The following CDK19 variants were observed in gnomAD, a reference collection of about 807,000 sequenced individuals.
CDK19 encodes cyclin-dependent kinase 19.
CDK19 carries 20 observed loss-of-function variants against 68.3 expected under a neutral mutation model. That is an observed-to-expected ratio of 0.29 (90% confidence interval 0.21 to 0.43). The LOEUF is 0.43. CDK19 is among the 20% of genes least tolerant of loss of function. The pLI, the probability that CDK19 is intolerant of heterozygous loss-of-function variation, is 1.00. For synonymous variants in CDK19, 221 were observed against 222.8 expected (o/e 0.99, Z 0.07); for missense variants, 339 against 623.5 (o/e 0.54, Z 4.86).
intron 1 of CDK19, among the ~76,000 whole-genome samples, chr6:110,749,245 C>T (rs1778291166): frequency 6.6e-6 from 1 of 152,170 alleles, no homozygotes; most frequent in South Asian, 2.1e-4. Context: ...TAACATGTAG[C>T]AACACCATGA....
At chr6:110,789,285 CT>C (rs553847560) in intron 1 of CDK19, among the ~76,000 whole-genome samples, 290 of 144,994 alleles carry the variant, frequency 2.0e-3, no homozygotes, top group Middle Eastern at 3.5e-3. Flanking sequence ...TAAATTTTAA[CT>C]TTTTTTTTTT....
chr6:110,796,808 G>C (rs977213508), intron 1 of CDK19, among the ~76,000 whole-genome samples: 1 of 150,048 alleles, frequency 6.7e-6, no homozygotes. Context: ...AGAAGTTCGA[G>C]ACCAGCCTGG....
intron 1 of CDK19, among the ~76,000 whole-genome samples, chr6:110,786,467 T>C (rs1468786039): frequency 6.6e-6 from 1 of 152,154 alleles, no homozygotes; most frequent in Admixed American, 6.6e-5. Flanking sequence ...CAGGAATGTA[T>C]TGTTTTGAGC....
At chr6:110,795,481 A>C (rs1406424335) in intron 1 of CDK19, among the ~76,000 whole-genome samples, 3 of 152,220 alleles carry the variant, frequency 2.0e-5, no homozygotes, top group Admixed American at 1.3e-4. Context: ...CTAAAGCAGA[A>C]ACCATTTCAA....
intron 2 of CDK19, among the ~76,000 whole-genome samples, chr6:110,713,478 C>A (rs868249451): frequency 1.9e-4 from 25 of 129,540 alleles, no homozygotes; most frequent in South Asian, 2.3e-4. Context: ...CCTCTTGTCT[C>A]AAAAAAAAAA....
chr6:110,639,244 A>G (rs937623580), intron 4 of CDK19, among the ~76,000 whole-genome samples: 8 of 152,234 alleles, frequency 5.3e-5, no homozygotes, highest in African/African-American at 1.9e-4. Flanking sequence ...AATAAAAACC[A>G]AGGCTAATAC....
At chr6:110,684,795 A>G (rs2114538850) in intron 2 of CDK19, among the ~76,000 whole-genome samples, 1 of 152,316 alleles carries the variant, frequency 6.6e-6, no homozygotes, top group Admixed American at 6.5e-5. Flanking sequence ...TAGTGTGTTT[A>G]CTATACCTGC....
At chr6:110,646,205 C>A in intron 4 of CDK19, 1 of 1,389,034 alleles carries the variant, frequency 7.2e-7, no homozygotes, top group Non-Finnish European at 9.7e-7. Context: ...TCCTCAGCAA[C>A]TCGTCGGGGT....
At position 110,767,301 on chromosome 6, in the gene CDK19, A is replaced by G. The variant is rs573875527; in HGVS notation, c.129-21100T>C. Among the ~76,000 whole-genome samples, 172 of 151,962 alleles carry G rather than the reference A, an allele frequency of 1.1e-3. 1 individual carries two copies. Among genetic ancestry groups the G allele is most frequent in the African/African-American group, 4.0e-3 (166 of 41,474 alleles). ...TAGGAGGAATAAGTTCTGGTGTTCC[A>G]TAGCACAGAAGAGTGACTATAGTTA... On this transcript the variant is annotated intron_variant, in intron 1 of 12. Transcript: ENST00000368911.
intron 1 of CDK19, among the ~76,000 whole-genome samples, chr6:110,793,372 A>T (rs932633607): frequency 6.6e-6 from 1 of 152,198 alleles, no homozygotes; most frequent in African/African-American, 2.4e-5. Flanking sequence ...CCTATCACTT[A>T]TCTAAAAAGA....
At chr6:110,667,331 T>C (rs1052947685) in intron 4 of CDK19, 103 bp downstream of exon 4, 15 of 764,804 alleles carry the variant, frequency 2.0e-5, no homozygotes, top group Non-Finnish European at 2.6e-5. Flanking sequence ...ATTTTCAAGT[T>C]TTTCTATAAT....
chr6:110,742,063 T>C (rs1311949726), intron 2 of CDK19, among the ~76,000 whole-genome samples: 1 of 152,192 alleles, frequency 6.6e-6, no homozygotes, highest in Non-Finnish European at 1.5e-5. Flanking sequence ...GTAACTCTTT[T>C]CTTCAATATG....
At chr6:110,737,674 G>A (rs969600696) in intron 2 of CDK19, among the ~76,000 whole-genome samples, 2 of 152,118 alleles carry the variant, frequency 1.3e-5, no homozygotes, top group African/African-American at 4.8e-5. Context: ...TAGTTTCCCA[G>A]AATCCTCCTA....
At chr6:110,795,908 C>A (rs1781905287) in intron 1 of CDK19, among the ~76,000 whole-genome samples, 1 of 152,182 alleles carries the variant, frequency 6.6e-6, no homozygotes. Context: ...AACTCATTCA[C>A]AGAACCCTTA....
chr6:110,776,155 G>A (rs149754442), intron 1 of CDK19, among the ~76,000 whole-genome samples: 26 of 152,328 alleles, frequency 1.7e-4, no homozygotes, highest in Middle Eastern at 3.4e-3. Flanking sequence ...ATAGCCAGGC[G>A]CAGTGGCTCA....
intron 2 of CDK19, among the ~76,000 whole-genome samples, chr6:110,703,657 C>G (rs1186998838): frequency 6.6e-6 from 1 of 152,000 alleles, no homozygotes; most frequent in Non-Finnish European, 1.5e-5. Flanking sequence ...CTTGACAACA[C>G]AGGGAGACCT....
chr6:110,630,286 T>C (rs150497776), intron 6 of CDK19, among the ~76,000 whole-genome samples: 228 of 152,340 alleles, frequency 1.5e-3, no homozygotes, highest in African/African-American at 4.8e-3. Flanking sequence ...CTAAGGTATA[T>C]GGATTTCTAT....
chr6:110,655,410 T>G (rs1781249433), intron 4 of CDK19, among the ~76,000 whole-genome samples: 1 of 151,948 alleles, frequency 6.6e-6, no homozygotes, highest in South Asian at 2.1e-4. Flanking sequence ...TATATGCTAA[T>G]GGCACCAAAA....
intron 4 of CDK19, chr6:110,643,185 A>G (rs745791465): frequency 2.6e-5 from 33 of 1,287,510 alleles, no homozygotes; most frequent in Middle Eastern, 4.2e-4. Flanking sequence ...TGGAGGAAAC[A>G]CTTACCAACT....
Sources: allele counts gnomAD v4.1 joint callset (sites outside exome capture counted in the v4.1 genomes callset), GRCh38; gene constraint gnomAD v4.1.1; transcripts MANE v1.5; gene names NCBI Gene and HGNC (gene_info 2026-07-23, HGNC 2026-07-21).